Variants in NUDT12 observed in about 807,000 individuals in gnomAD.
NUDT12 encodes nudix hydrolase 12.
Under a neutral mutation model 45.7 loss-of-function variants are expected in NUDT12, and 42 were observed. That is an observed-to-expected ratio of 0.92 (90% confidence interval 0.72 to 1.19). NUDT12 has a LOEUF of 1.19. Among genes scored for constraint, NUDT12 ranks in the 50% most tolerant of loss-of-function variants. The pLI is 0.00. For missense variants in NUDT12, 590 were observed against 533.1 expected, an observed-to-expected ratio of 1.11 and a Z score of -1.05; for synonymous variants, 206 against 179.7, an observed-to-expected ratio of 1.15 and a Z score of -1.17.
rs1748623607 is a variant in NUDT12, at chr5:103,550,651, C to G, written c.*210G>C. On this transcript the variant is annotated 3_prime_UTR_variant, in exon 7 of 7. Transcript: ENST00000230792. ...GAGAAAAAGTTCAGAGAAGACTGAC[C>G]CAAATTTAACATAATCTGAGGCAAT... 1.6e-5 allele frequency: 6 copies of G among 379,198 alleles called. No individual in the cohort carries two copies. The highest frequency in any genetic ancestry group is 2.9e-5 in the Non-Finnish European group (6 of 209,230). The allele number at this position is 379,198 out of a possible 1,614,324, so 23.5% of individuals were successfully genotyped here.
chr5:103,555,825 G>T, intron 4 of NUDT12, 106 bp downstream of exon 4: 1 of 746,762 alleles, frequency 1.3e-6, no homozygotes, highest in Non-Finnish European at 2.0e-6. Context: ...GGTTAGACAT[G>T]TTTTCCATAA....
chr5:103,554,167 TCTA>T (rs757534070), intron 5 of NUDT12, among the ~76,000 whole-genome samples: 90 of 152,228 alleles, frequency 5.9e-4, no homozygotes, highest in Non-Finnish European at 1.1e-3. Context: ...TTACTGACTT[TCTA>T]CTACATGTGC....
At chr5:103,556,291 G>T (rs10037841) in intron 3 of NUDT12, among the ~76,000 whole-genome samples, 193 bp from the exon 4 acceptor site, 1,752 of 118,928 alleles carry the variant, frequency 0.015, 34 homozygotes, top group African/African-American at 0.044. Flanking sequence ...AGATTTTTTT[G>T]TTTGAATAAA....
chr5:103,556,876 A>G (rs1444888623), intron 3 of NUDT12, among the ~76,000 whole-genome samples: 1 of 152,128 alleles, frequency 6.6e-6, no homozygotes, highest in Non-Finnish European at 1.5e-5. Flanking sequence ...CAAAATAATA[A>G]CAAAAATTCT....
rs1367353241 is a variant in NUDT12, at chr5:103,560,068, T to C, written c.181A>G (p.Ile61Val). 8 of 1,613,810 alleles carry C rather than the reference T, an allele frequency of 5.0e-6. No individual in the cohort carries two copies. Among genetic ancestry groups the C allele is most frequent in the South Asian group, 1.1e-5 (1 of 91,068 alleles). The change falls in exon 2 of 7, where the codon ATA (isoleucine) becomes GTA (valine). Residue 61 changes from isoleucine to valine, a missense_variant. Transcript: ENST00000230792. ...CCTTTCTCAAGCAGAAATTGGACTA[T>C]CTCTGGGTGCCCATTCCTTGCCGCA... ...MYAARNGHPE[I>V]VQFLLEKGCD...
chr5:103,558,904 A>G lies in NUDT12; in HGVS notation c.771T>C (p.Leu257=). The part of the protein sequence containing the change: ...CYFLHPPMPA[L]LQLKEKEAGV... ...CAGCTTCTTTTTCTTTCAATTGCAGAAGGGCTGGCATAGGAGGATGAAGAA... is the reference window on the plus strand; with the variant it reads ...CAGCTTCTTTTTCTTTCAATTGCAGGAGGGCTGGCATAGGAGGATGAAGAA... Residue 257 remains leucine (L), a synonymous_variant, in exon 3 of 7, where the codon CTT becomes CTC. Transcript: ENST00000230792. 1 of 1,570,050 alleles carries G rather than the reference A, an allele frequency of 6.4e-7. No individual in the cohort carries two copies. Among genetic ancestry groups the G allele is most frequent in the Non-Finnish European group, 8.6e-7 (1 of 1,163,430 alleles).
At position 103,550,613 on chromosome 5, in the gene NUDT12, A is replaced by G. The variant is rs970329135; in HGVS notation, c.*248T>C. 9.8e-5 allele frequency: 30 copies of G among 305,046 alleles called. No individual in the cohort carries two copies. The highest frequency in any genetic ancestry group is 6.4e-4 in the African/African-American group (30 of 47,086). The allele number at this position is 305,046 out of a possible 1,614,324, so 18.9% of individuals were successfully genotyped here. On this transcript the variant is annotated 3_prime_UTR_variant, in exon 7 of 7. Transcript: ENST00000230792. ...TGTGAGATAAAACTGTGAAGGAAGA[A>G]AAGAAACCAAGAGAGAAAAAGTTCA...
At chr5:103,556,745 A>C (rs145793215) in intron 3 of NUDT12, among the ~76,000 whole-genome samples, 1 of 152,122 alleles carries the variant, frequency 6.6e-6, no homozygotes, top group East Asian at 1.9e-4. Flanking sequence ...AAAAAAGTTA[A>C]TATGGCCTGG....
At chr5:103,557,280 G>GGTATATATATATATGTATATAT (rs1491335747) in intron 3 of NUDT12, among the ~76,000 whole-genome samples, 1 of 118,894 alleles carries the variant, frequency 8.4e-6, no homozygotes, top group Non-Finnish European at 1.8e-5. Context: ...ATCTTAAAAT[G>GGTATATATATATATGTATATAT]ATATATATAT....
At position 103,552,385 on chromosome 5, in the gene NUDT12, T is replaced by G; in HGVS notation, c.1110A>C (p.Glu370Asp). The G allele has an allele frequency of 6.2e-7, 1 of 1,613,888 alleles. No homozygotes were observed. Among genetic ancestry groups the G allele is most frequent in the Non-Finnish European group, 8.5e-7 (1 of 1,179,900 alleles). ...CTTTGACTCCACTTTCCTCTTCTAC[T>G]TCTCTCCTAACAGCATCTTCTATTG... is the stretch of plus-strand genomic sequence containing the variant. ...GETIEDAVRREVEEESGVKVG... is the reference protein window; with the variant it reads ...GETIEDAVRRDVEEESGVKVG... Residue 370 changes from glutamate to aspartate, a missense_variant, in exon 6 of 7, where the codon GAA (glutamate) becomes GAC (aspartate). Physicochemically the swap from Glu to Asp is conservative, Grantham distance 45. Transcript: ENST00000230792.
Position 103,559,110 on chromosome 5 carries a change from C to T in NUDT12, c.565G>A (p.Ala189Thr). 1 of 1,608,114 alleles carries T rather than the reference C, an allele frequency of 6.2e-7. No homozygotes were observed. The highest frequency in any genetic ancestry group is 8.5e-7 in the Non-Finnish European group (1 of 1,177,470). Residue 189 changes from alanine (A) to threonine (T), a missense_variant, in exon 3 of 7, where the codon GCC (alanine) becomes ACC (threonine). Transcript: ENST00000230792. ...LNYTDIKDYL[A>T]QPEKITLIFL... is the part of the protein sequence containing the mutation. Reference sequence around the variant, plus strand: ...ATCAAGGTGATCTTCTCAGGCTGGGCCAAATAATCCTTTATATCTGTGTAG... The same window carrying T: ...ATCAAGGTGATCTTCTCAGGCTGGGTCAAATAATCCTTTATATCTGTGTAG...
chr5:103,558,884 T>G lies in NUDT12; in HGVS notation c.791A>C (p.Glu264Ala), dbSNP rs953285969. 6.4e-7 allele frequency: 1 copy of G among 1,555,332 alleles called. No individual in the cohort carries two copies. Among genetic ancestry groups the G allele is most frequent in the African/African-American group, 1.4e-5 (1 of 71,704 alleles). Residue 264 changes from glutamate (E) to alanine (A), a missense_variant, in exon 3 of 7, where the codon GAA (glutamate) becomes GCA (alanine). Transcript: ENST00000230792. ...MPALLQLKEK[E>A]AGVVAQARSV... ...AAGCAGCATTCATTTCTTACCAGCTTCTTTTTCTTTCAATTGCAGAAGGGC... is the reference window on the plus strand; with the variant it reads ...AAGCAGCATTCATTTCTTACCAGCTGCTTTTTCTTTCAATTGCAGAAGGGC...
At chr5:103,556,455 A>G (rs973699644) in intron 3 of NUDT12, among the ~76,000 whole-genome samples, 2 of 152,044 alleles carry the variant, frequency 1.3e-5, no homozygotes, top group Non-Finnish European at 2.9e-5. Context: ...TGATTTTAAT[A>G]AAAATATACC....
At position 103,559,009 on chromosome 5, in the gene NUDT12, A is replaced by T. The variant is rs1270300009; in HGVS notation, c.666T>A (p.Asp222Glu). 6.2e-7 allele frequency: 1 copy of T among 1,613,808 alleles called. No homozygotes were observed. The highest frequency in any genetic ancestry group is 1.1e-5 in the South Asian group (1 of 91,060). The change falls in exon 3 of 7, where the codon GAT becomes GAA. Residue 222 changes from aspartate (D) to glutamate (E), a missense_variant. By Grantham distance (45) the Asp-to-Glu change is conservative. Transcript: ENST00000230792. ...CTAGAGCAAACCAGGCAACCAATCC[A>T]TCTTCCTCCTCTCTCGGGACTTCAC... The part of the protein sequence containing the change: ...YAGEVPREEE[D>E]GLVAWFALGI...
At position 103,552,346 on chromosome 5, in the gene NUDT12, C is replaced by T. The variant is rs749393295; in HGVS notation, c.1149G>A (p.Gln383=). The T allele has an allele frequency of 6.2e-7, 1 of 1,613,930 alleles. No homozygotes were observed. Among genetic ancestry groups the T allele is most frequent in the East Asian group, 2.2e-5 (1 of 44,864 alleles). ...TTGGCCATGGTTGACAAGCAACATA[C>T]TGAACATGGCCAACTTTGACTCCAC... ...EESGVKVGHV[Q]YVACQPWPMP... The change falls in exon 6 of 7, where the codon CAG becomes CAA. Residue 383 remains glutamine (Q), a synonymous_variant. Transcript: ENST00000230792.
At position 103,550,630 on chromosome 5, in the gene NUDT12, A is replaced by C. The variant is rs1183396520; in HGVS notation, c.*231T>G. On this transcript the variant is annotated 3_prime_UTR_variant, in exon 7 of 7. Transcript: ENST00000230792. ...AAGGAAGAAAAGAAACCAAGAGAGA[A>C]AAAGTTCAGAGAAGACTGACCCAAA... 3.0e-6 allele frequency: 1 copy of C among 338,664 alleles called. No homozygotes were observed. Among genetic ancestry groups the C allele is most frequent in the East Asian group, 4.9e-5 (1 of 20,506 alleles). The allele number at this position is 338,664 out of a possible 1,614,324, so 21.0% of individuals were successfully genotyped here.
At chr5:103,553,013 TTAGAA>T (rs1317993071) in intron 5 of NUDT12, among the ~76,000 whole-genome samples, 1 of 152,210 alleles carries the variant, frequency 6.6e-6, no homozygotes, top group African/African-American at 2.4e-5. Flanking sequence ...GAATTAAGAA[TTAGAA>T]TAGGGGAAAT....
At chr5:103,553,656 AAGG>A (rs1748725257) in intron 5 of NUDT12, among the ~76,000 whole-genome samples, 1 of 152,094 alleles carries the variant, frequency 6.6e-6, no homozygotes, top group African/African-American at 2.4e-5. Context: ...AAATGTGCAC[AAGG>A]AGAAGTATAA....
At position 103,552,226 on chromosome 5, in the gene NUDT12, AG is replaced by A; in HGVS notation, c.1268del (p.Thr423IlefsTer9). On this transcript the variant is annotated frameshift_variant, in exon 6 of 7. Transcript: ENST00000230792. LOFTEE classifies it high-confidence loss of function. ...KNEIEDARWFTREQVLDVLTK... is the reference protein window; with the variant it reads ...KNEIEDARWFXREQVLDVLTK... ...TTAAATTGAACTTTACCTGTTCTCT[AG>A]TGAACCAGCGGGCATCCTCTATTTC... 1 of 1,612,480 alleles carries A rather than the reference AG, an allele frequency of 6.2e-7. No homozygotes were observed. The highest frequency in any genetic ancestry group is 1.1e-5 in the South Asian group (1 of 91,046).
Sources: gnomAD v4.1 joint callset for allele counts (sites outside exome capture counted in the v4.1 genomes callset) on GRCh38, gnomAD v4.1.1 for gene constraint, MANE v1.5 for transcripts, NCBI Gene and HGNC (gene_info 2026-07-23, HGNC 2026-07-21) for gene names.